ARHGEF11: variants seen among roughly 807,000 people sequenced by gnomAD.
ARHGEF11 encodes Rho guanine exchange factor (GEF) 11.
Under a neutral mutation model 193.7 loss-of-function variants are expected in ARHGEF11, and 55 were observed. The observed-to-expected ratio is 0.28, with a 90% CI of 0.23 to 0.36. ARHGEF11 has a LOEUF of 0.36. Ranked by LOEUF, ARHGEF11 falls within the 10% of genes least tolerant of loss-of-function variation. The probability of loss-of-function intolerance (pLI) is 1.00; values close to 1 mark genes in which losing one functional copy is unlikely to be tolerated. For synonymous variants in ARHGEF11, 693 were observed against 768.0 expected (o/e 0.90, Z 1.62); for missense variants, 1,723 against 2,005.6 (o/e 0.86, Z 2.69).
intron 8 of ARHGEF11, 89 bp from the exon 9 acceptor site, chr1:156,970,132 C>T: frequency 1.8e-6 from 2 of 1,113,840 alleles, no homozygotes; most frequent in Admixed American, 1.9e-5. Flanking sequence ...TATTTGCTTA[C>T]AATTAGTGGC....
intron 1 of ARHGEF11, among the ~76,000 whole-genome samples, chr1:156,999,310 G>C (rs1180594686): frequency 1.3e-5 from 2 of 152,114 alleles, no homozygotes; most frequent in Non-Finnish European, 2.9e-5. Flanking sequence ...TTAAATAGTA[G>C]AGCCAGGACA....
At position 156,948,391 on chromosome 1, in the gene ARHGEF11, T is replaced by G; in HGVS notation, c.2033A>C (p.Asp678Ala). ...ENVPRSRSDV[D>A]MDAAAEATRL... ...AGTAGCCTCCGCAGCAGCATCCATG[T>G]CAACATCACTGCGAGAGCGGGGCAC... is the stretch of plus-strand genomic sequence containing the variant. The change falls in exon 23 of 41, where the codon GAC becomes GCC. Residue 678 changes from aspartate (D) to alanine (A), a missense_variant. By Grantham distance (126) the Asp-to-Ala change is moderately radical. Coordinates refer to ENST00000368194, the MANE Select transcript of ARHGEF11 (RefSeq NM_198236.3). This position sits in a 1 kb window ranked among gnomAD's most constrained non-coding sequence, Gnocchi z 4.2. 6.2e-7 allele frequency: 1 copy of G among 1,614,218 alleles called. No homozygotes were observed. Among genetic ancestry groups the G allele is most frequent in the Non-Finnish European group, 8.5e-7 (1 of 1,180,052 alleles).
At chr1:156,943,463 G>A (rs1657496536) in intron 32 of ARHGEF11, among the ~76,000 whole-genome samples, 1 of 152,214 alleles carries the variant, frequency 6.6e-6, no homozygotes, top group Non-Finnish European at 1.5e-5. Flanking sequence ...TGAATCCAGA[G>A]AATTTTGCTC....
intron 1 of ARHGEF11, among the ~76,000 whole-genome samples, chr1:156,994,693 C>T (rs1020671308): frequency 6.6e-6 from 1 of 152,126 alleles, no homozygotes; most frequent in Non-Finnish European, 1.5e-5. Context: ...ATATTCAGCA[C>T]ACAGGACATG....
chr1:156,951,801 C>T lies in ARHGEF11; in HGVS notation c.1799-102G>A, dbSNP rs942258256. ...CCCAGAAGACAGAGCAATGAGCAAG[C>T]GTGGATGAGAACAGCACTGGACCAA... On this transcript the variant is annotated intron_variant, in intron 21 of 40. Coordinates refer to ENST00000368194, the MANE Select transcript of ARHGEF11 (RefSeq NM_198236.3). 20 of 1,484,432 alleles carry T rather than the reference C, an allele frequency of 1.3e-5. No homozygotes were observed. In the Admixed American group the frequency reaches 1.8e-4, roughly 13 times the overall value. 92.0% of individuals were successfully genotyped at this position (1,484,432 alleles called of 1,614,324 possible).
intron 4 of ARHGEF11, 75 bp from the exon 5 acceptor site, chr1:156,979,361 CTTTT>C (rs36031299): frequency 0.025 from 12,414 of 503,598 alleles, 38 homozygotes; most frequent in South Asian, 0.042. Flanking sequence ...CAAAATGCCA[CTTTT>C]TTTTTTTTTT....
At chr1:156,936,569 TC>T (rs772897930) in intron 40 of ARHGEF11, among the ~76,000 whole-genome samples, 10 of 143,548 alleles carry the variant, frequency 7.0e-5, no homozygotes, top group Non-Finnish European at 1.2e-4. Flanking sequence ...AACAGGCTCC[TC>T]CTGGTTTGTT....
intron 1 of ARHGEF11, among the ~76,000 whole-genome samples, chr1:157,009,678 C>T (rs1401816817): frequency 6.6e-6 from 1 of 152,182 alleles, no homozygotes; most frequent in Non-Finnish European, 1.5e-5. Context: ...GATCTAAACA[C>T]AGGACTCCTT....
chr1:157,038,185 GCTAGATTGGTTCC>G (rs1672299594), intron 1 of ARHGEF11, among the ~76,000 whole-genome samples: 1 of 152,136 alleles, frequency 6.6e-6, no homozygotes, highest in Admixed American at 6.5e-5. Flanking sequence ...CAGGAGGGCT[GCTAGATTGGTTCC>G]CTACATGATT....
chr1:156,969,099 GC>G (rs1436516734), intron 10 of ARHGEF11, among the ~76,000 whole-genome samples, 182 bp downstream of exon 10: 1 of 152,214 alleles, frequency 6.6e-6, no homozygotes, highest in Non-Finnish European at 1.5e-5. Flanking sequence ...TGATAATCTT[GC>G]ATGTTGGATG....
Position 157,036,385 on chromosome 1 carries a change from G to A in ARHGEF11, c.32+7914C>T, listed in dbSNP as rs143777300. 9.8e-3 allele frequency among the ~76,000 whole-genome samples: 1,481 copies of A among 151,668 alleles called. 26 individuals carry two copies. The highest frequency in any genetic ancestry group is 0.034 in the African/African-American group (1,413 of 41,322). ...CACCCAGGCTGGAGTGCAGGGGTGCGATCTCAGCTCCCTGCAACCTCTGTC... is the reference window on the plus strand; with the variant it reads ...CACCCAGGCTGGAGTGCAGGGGTGCAATCTCAGCTCCCTGCAACCTCTGTC... On this transcript the variant is annotated intron_variant, in intron 1 of 40. Transcript: ENST00000368194.
Position 156,936,047 on chromosome 1 carries a change from G to T in ARHGEF11, c.4642C>A (p.Pro1548Thr). ...GPCPEDGSDA[P>T]LEDSTADAAA... is the part of the protein sequence containing the mutation. ...GCGTCTGCTGTGCTGTCTTCCAGGGGGGCGTCAGAGCCTGTGGGAGGAGGA... is the reference window on the plus strand; with the variant it reads ...GCGTCTGCTGTGCTGTCTTCCAGGGTGGCGTCAGAGCCTGTGGGAGGAGGA... Residue 1548 changes from proline (P) to threonine (T), a missense_variant, in exon 41 of 41, where the codon CCC (proline) becomes ACC (threonine). Pro to Thr is a conservative substitution (Grantham distance 38). Coordinates refer to ENST00000368194, the MANE Select transcript of ARHGEF11 (RefSeq NM_198236.3). 1 of 1,614,044 alleles carries T rather than the reference G, an allele frequency of 6.2e-7. No homozygotes were observed. Among genetic ancestry groups the T allele is most frequent in the Non-Finnish European group, 8.5e-7 (1 of 1,179,946 alleles).
At chr1:156,946,266 C>T (rs77964837) in intron 28 of ARHGEF11, 104 bp from the exon 29 acceptor site, 27 of 877,698 alleles carry the variant, frequency 3.1e-5, no homozygotes, top group Non-Finnish European at 4.0e-5. Flanking sequence ...CAGGTCCTAA[C>T]GCCAGATGGA....
chr1:157,039,779 T>A (rs1201342918), intron 1 of ARHGEF11, among the ~76,000 whole-genome samples: 1 of 152,212 alleles, frequency 6.6e-6, no homozygotes, highest in Admixed American at 6.5e-5. Context: ...TCAGTCAATA[T>A]AGATTAAAAT....
Position 156,948,389 on chromosome 1 carries a change from T to G in ARHGEF11, c.2035A>C (p.Met679Leu). 1 of 1,614,230 alleles carries G rather than the reference T, an allele frequency of 6.2e-7. No individual in the cohort carries two copies. The highest frequency in any genetic ancestry group is 8.5e-7 in the Non-Finnish European group (1 of 1,180,044). The change falls in exon 23 of 41, where the codon ATG becomes CTG. Residue 679 changes from methionine (M) to leucine (L), a missense_variant. This residue lies in a region of ARHGEF11 where 491 missense variants were observed against 654.5 expected (regional missense o/e 0.75). Transcript: ENST00000368194. This position sits in a 1 kb window ranked among gnomAD's most constrained non-coding sequence, Gnocchi z 4.2. Reference sequence around the variant, plus strand: ...CGAGTAGCCTCCGCAGCAGCATCCATGTCAACATCACTGCGAGAGCGGGGC... The same window carrying G: ...CGAGTAGCCTCCGCAGCAGCATCCAGGTCAACATCACTGCGAGAGCGGGGC... ...NVPRSRSDVDMDAAAEATRLH... is the reference protein window; with the variant it reads ...NVPRSRSDVDLDAAAEATRLH...
rs752424889 is a variant in ARHGEF11, at chr1:156,946,201, G to A, written c.2695-39C>T. The stretch of plus-strand genomic sequence containing the variant: ...GACACAGAAGGGAGGAGATGTCAGC[G>A]TGGCTGGGAGCTGGCTTATGGGCTC... On this transcript the variant is annotated intron_variant, in intron 28 of 40. Coordinates refer to ENST00000368194, the MANE Select transcript of ARHGEF11 (RefSeq NM_198236.3). 56 of 1,581,130 alleles carry A rather than the reference G, an allele frequency of 3.5e-5. No individual in the cohort carries two copies. The East Asian group carries it at 7.2e-4, about 20-fold the overall frequency.
intron 1 of ARHGEF11, among the ~76,000 whole-genome samples, chr1:157,008,343 G>A (rs1467072940): frequency 1.3e-5 from 2 of 151,898 alleles, no homozygotes; most frequent in Non-Finnish European, 2.9e-5. Flanking sequence ...AGTCATGAGA[G>A]TAGGGCTCTC....
At chr1:156,940,962 A>C (rs1488029469) in intron 35 of ARHGEF11, among the ~76,000 whole-genome samples, 1 of 152,154 alleles carries the variant, frequency 6.6e-6, no homozygotes, top group Admixed American at 6.5e-5. Flanking sequence ...TACCAATCCC[A>C]TCACAGTAAC....
At chr1:156,995,024 T>C (rs1033826469) in intron 1 of ARHGEF11, among the ~76,000 whole-genome samples, 5 of 152,196 alleles carry the variant, frequency 3.3e-5, no homozygotes, top group Admixed American at 2.0e-4. Context: ...GACATCTCTC[T>C]GCAAATCCAA....
Sources: allele counts gnomAD v4.1 joint callset (sites outside exome capture counted in the v4.1 genomes callset), GRCh38; gene constraint gnomAD v4.1.1; regional missense constraint gnomAD v4.1.1; non-coding constraint Gnocchi (gnomAD v3.1); transcripts MANE v1.5; gene names NCBI Gene and HGNC (gene_info 2026-07-23, HGNC 2026-07-21).